CACNA1C: variants seen among roughly 807,000 people sequenced by gnomAD.
The protein encoded by CACNA1C is voltage-dependent L-type calcium channel subunit alpha-1C.
Under a neutral mutation model 229.0 loss-of-function variants are expected in CACNA1C, and 30 were observed. The ratio of observed to expected loss-of-function variants is 0.13; its 90% CI spans 0.10 to 0.18. CACNA1C has a LOEUF of 0.18. Ranked by LOEUF, CACNA1C falls within the 10% of genes least tolerant of loss-of-function variation. CACNA1C has a pLI of 1.00. For synonymous variants in CACNA1C, 1,114 were observed against 1,132.5 expected, an observed-to-expected ratio of 0.98 and a Z score of 0.33; for missense variants, 1,658 against 2,845.0, an observed-to-expected ratio of 0.58 and a Z score of 9.49.
At chr12:2,459,169 GTTTTT>G (rs59909090) in intron 5 of CACNA1C, among the ~76,000 whole-genome samples, 4 of 109,438 alleles carry the variant, frequency 3.7e-5, no homozygotes, top group African/African-American at 6.8e-5. Context: ...TTTTGTGTGT[GTTTTT>G]TTTTTTTTTT....
At chr12:2,253,524 G>A (rs1285702910) in intron 3 of CACNA1C, among the ~76,000 whole-genome samples, 1 of 152,208 alleles carries the variant, frequency 6.6e-6, no homozygotes, top group Non-Finnish European at 1.5e-5. Context: ...TTCCCCACCA[G>A]GGTACTATTT....
chr12:2,623,073 T>A (rs2084246166), intron 29 of CACNA1C, among the ~76,000 whole-genome samples: 2 of 152,212 alleles, frequency 1.3e-5, no homozygotes, highest in African/African-American at 4.8e-5. Flanking sequence ...CCTTCGTCGT[T>A]CACTGCTCTG....
chr12:2,075,500 G>A (rs1444656972), intron 1 of CACNA1C, among the ~76,000 whole-genome samples: 5 of 152,232 alleles, frequency 3.3e-5, no homozygotes, highest in Non-Finnish European at 5.9e-5. Context: ...TTGAATGGGA[G>A]AGCTGGAATT....
Position 2,606,644 on chromosome 12 carries a change from C to A in CACNA1C, c.3190C>A (p.Gln1064Lys), listed in dbSNP as rs762134628. ...KLYTCSDSSK[Q>K]TEAECKGNYI... ...GTACACCTGTTCAGACAGTTCCAAG[C>A]AGACAGAGGCGGAATGCAAGTGAGT... Residue 1064 changes from glutamine to lysine, a missense_variant, in exon 25 of 47, where the codon CAG (glutamine) becomes AAG (lysine). By Grantham distance (53) the Gln-to-Lys change is moderately conservative (BLOSUM62 1). Transcript: ENST00000399655. 1 of 1,609,280 alleles carries A rather than the reference C, an allele frequency of 6.2e-7. No individual in the cohort carries two copies. Among genetic ancestry groups the A allele is most frequent in the Non-Finnish European group, 8.5e-7 (1 of 1,178,050 alleles).
chr12:2,572,467 T>TTCC (rs147107837), intron 13 of CACNA1C, among the ~76,000 whole-genome samples: 29,926 of 37,734 alleles, frequency 0.79, 12,362 homozygotes, highest in East Asian at 0.96. Flanking sequence ...CCTCCTCCTC[T>TTCC]TCCTCCTTCT....
intron 9 of CACNA1C, among the ~76,000 whole-genome samples, chr12:2,515,390 T>A (rs1326535983): frequency 6.6e-6 from 1 of 152,222 alleles, no homozygotes; most frequent in Non-Finnish European, 1.5e-5. Flanking sequence ...AGAAACTATC[T>A]TCCTGTCTTG....
chr12:2,040,996 C>A (rs2049981284), intron 1 of CACNA1C, among the ~76,000 whole-genome samples: 2 of 152,228 alleles, frequency 1.3e-5, no homozygotes, highest in Middle Eastern at 6.8e-3. Context: ...GTCTTCTAGG[C>A]TGTAAATGAA....
intron 3 of CACNA1C, among the ~76,000 whole-genome samples, chr12:2,157,581 C>G (rs1018979216): frequency 6.6e-6 from 1 of 152,232 alleles, no homozygotes; most frequent in Non-Finnish European, 1.5e-5. Context: ...CTAAAGAGGA[C>G]AGCCCTAAGG....
chr12:1,981,601 G>A (rs11609051), intron 1 of CACNA1C, among the ~76,000 whole-genome samples: 157 of 152,162 alleles, frequency 1.0e-3, no homozygotes, highest in Non-Finnish European at 1.7e-3. Context: ...TTCGTGCTAG[G>A]ATGGTAAACT....
chr12:2,056,198 T>A (rs1380733404), intron 1 of CACNA1C, among the ~76,000 whole-genome samples: 6 of 878 alleles, frequency 6.8e-3, no homozygotes, highest in South Asian at 0.026. Flanking sequence ...TGTGTGTGAG[T>A]GTGTGTGTGT....
rs1190595103 is a variant in CACNA1C at position 2,314,198 on chromosome 12, C to A, written c.478-134778C>A. ...GCCTTCTAGGCTGGGTCCATGCCTC[C>A]TCTTGTTCCAGGGCCCCCTATACTG... is the stretch of plus-strand genomic sequence containing the variant. On this transcript the variant is annotated intron_variant, in intron 3 of 46. Coordinates refer to ENST00000399655, the MANE Select transcript of CACNA1C (RefSeq NM_000719.7). Among the ~76,000 whole-genome samples the A allele has an allele frequency of 3.9e-5, 6 of 152,326 alleles. No homozygotes were observed. The Middle Eastern group carries it at 0.01, about 259-fold the overall frequency.
chr12:2,333,481 C>T (rs1052830066), intron 3 of CACNA1C, among the ~76,000 whole-genome samples: 13 of 152,176 alleles, frequency 8.5e-5, no homozygotes, highest in African/African-American at 2.7e-4. Flanking sequence ...ATCCTTCCTG[C>T]GTTTTCTCCT....
At chr12:2,166,414 T>C (rs1175128536) in intron 3 of CACNA1C, among the ~76,000 whole-genome samples, 1 of 152,230 alleles carries the variant, frequency 6.6e-6, no homozygotes, top group Non-Finnish European at 1.5e-5. Context: ...CTTGGGCGTT[T>C]ATTAGGACTT....
rs1052176005 is a variant in CACNA1C, at chr12:2,144,647, G to A, written c.477+24217G>A. Among the ~76,000 whole-genome samples, 4 of 151,152 alleles carry A rather than the reference G, an allele frequency of 2.6e-5. 1 individual carries two copies. The highest frequency in any genetic ancestry group is 5.9e-5 in the Non-Finnish European group (4 of 67,646). ...TATTTGTTTTAAGTTAATATTTTACGCGTGCTACTGAAAAAACAAAACCCA... is the reference window on the plus strand; with the variant it reads ...TATTTGTTTTAAGTTAATATTTTACACGTGCTACTGAAAAAACAAAACCCA... On this transcript the variant is annotated intron_variant, in intron 3 of 46. Transcript: ENST00000399655.
intron 3 of CACNA1C, among the ~76,000 whole-genome samples, chr12:2,327,899 T>C (rs1409903521): frequency 6.6e-6 from 1 of 152,192 alleles, no homozygotes; most frequent in Non-Finnish European, 1.5e-5. Flanking sequence ...TGGACCTCAG[T>C]GGAAAACCCT....
At chr12:2,132,100 CTGTT>C (rs1233725185) in intron 3 of CACNA1C, among the ~76,000 whole-genome samples, 1 of 138,790 alleles carries the variant, frequency 7.2e-6, no homozygotes, top group Non-Finnish European at 1.6e-5. Context: ...ATTTGGCTCT[CTGTT>C]TGTCTGTTGT....
chr12:2,557,530 A>G (rs1568410335), intron 11 of CACNA1C, among the ~76,000 whole-genome samples: 1 of 152,130 alleles, frequency 6.6e-6, no homozygotes, highest in Non-Finnish European at 1.5e-5. Flanking sequence ...CAGTTATCCA[A>G]ATGTTCCCTG....
chr12:2,581,156 C>T (rs1241827707), intron 13 of CACNA1C, among the ~76,000 whole-genome samples: 2 of 152,204 alleles, frequency 1.3e-5, no homozygotes, highest in Non-Finnish European at 2.9e-5. Flanking sequence ...TGATTACCAA[C>T]CTTTATCAAC....
At chr12:2,297,336 C>T (rs2094138436) in intron 3 of CACNA1C, among the ~76,000 whole-genome samples, 2 of 152,328 alleles carry the variant, frequency 1.3e-5, no homozygotes, top group South Asian at 4.1e-4. Context: ...AGAGAGAAAT[C>T]CTGCCTGCAA....
Sources: gnomAD v4.1 joint callset for allele counts (sites outside exome capture counted in the v4.1 genomes callset) on GRCh38, gnomAD v4.1.1 for gene constraint, MANE v1.5 for transcripts, NCBI Gene and HGNC (gene_info 2026-07-23, HGNC 2026-07-21) for gene names.